SNX24: variants seen among roughly 807,000 people sequenced by gnomAD.
SNX24 encodes sorting nexin-24.
In SNX24, 22 loss-of-function variants were observed where a neutral mutation model predicts 28.7. That is an observed-to-expected ratio of 0.77 (90% confidence interval 0.55 to 1.10). The LOEUF (loss-of-function observed/expected upper bound fraction) is 1.10. Among genes scored for constraint, SNX24 ranks in the 50% least tolerant of loss-of-function variants. The probability of loss-of-function intolerance (pLI) is 0.00; values close to 1 mark genes in which losing one functional copy is unlikely to be tolerated. For missense variants in SNX24, 221 were observed against 201.1 expected (o/e 1.10, Z -0.60); for synonymous variants, 69 against 71.5 (o/e 0.96, Z 0.18).
rs1467534383 is a variant in SNX24, at chr5:122,976,314, G to A, written c.250-23598G>A. 3.4e-5 allele frequency among the ~76,000 whole-genome samples: 5 copies of A among 147,248 alleles called. No homozygotes were observed. The South Asian group carries it at 8.6e-4, about 25-fold the overall frequency. On this transcript the variant is annotated intron_variant, in intron 3 of 6. Transcript: ENST00000261369. The stretch of plus-strand genomic sequence containing the variant: ...TCATTAAAAAAAAAAAAAAAAACAG[G>A]CAAAAAGATCTTATCTTTTTATGAT...
chr5:123,003,025 T>A (rs955266610), intron 6 of SNX24, among the ~76,000 whole-genome samples: 3 of 151,124 alleles, frequency 2.0e-5, no homozygotes, highest in Non-Finnish European at 4.4e-5. Context: ...GCTCTTTGCA[T>A]ATAGTGAATC....
intron 3 of SNX24, among the ~76,000 whole-genome samples, chr5:122,986,238 A>C (rs1761598589): frequency 6.6e-6 from 1 of 152,238 alleles, no homozygotes; most frequent in Non-Finnish European, 1.5e-5. Context: ...TAAGAAATTC[A>C]AGTGGAGATG....
At chr5:122,968,324 GC>G (rs370718488) in intron 3 of SNX24, among the ~76,000 whole-genome samples, 1 of 152,176 alleles carries the variant, frequency 6.6e-6, no homozygotes, top group African/African-American at 2.4e-5. Flanking sequence ...TTCAGCCTGG[GC>G]AACAGAGCGA....
In SNX24 at chr5:122,846,779, G is replaced by T. The variant is rs188584757; in HGVS notation, c.60+1086G>T. On this transcript the variant is annotated intron_variant, in intron 1 of 6. Transcript: ENST00000261369. ...GAATTGAGTAGACTGCTGGATCCAA[G>T]TGTTCTGAAACAAGTTGTTAAAGTG... Among the ~76,000 whole-genome samples the T allele has an allele frequency of 2.0e-5, 3 of 152,296 alleles. No individual in the cohort carries two copies. The East Asian group carries it at 5.8e-4, about 29-fold the overall frequency.
intron 1 of SNX24, among the ~76,000 whole-genome samples, chr5:122,909,576 G>A (rs527496481): frequency 6.6e-6 from 1 of 151,858 alleles, no homozygotes; most frequent in South Asian, 2.1e-4. Flanking sequence ...GAGGACAGCT[G>A]CCTTAACCTG....
chr5:123,014,333 A>ATTTTTTTTTT (rs70988553), intron 5 of SNX24, among the ~76,000 whole-genome samples: 2 of 77,270 alleles, frequency 2.6e-5, no homozygotes, highest in African/African-American at 5.6e-5. Context: ...TGCCCAGCTG[A>ATTTTTTTTTT]TTTTTTTTTT....
chr5:122,907,368 ATT>A, intron 1 of SNX24, among the ~76,000 whole-genome samples: 1 of 152,158 alleles, frequency 6.6e-6, no homozygotes, highest in East Asian at 1.9e-4. Flanking sequence ...TAGTGTGGGA[ATT>A]TGTAATATGG....
Position 123,007,859 on chromosome 5 carries a change from TG to T in SNX24, c.*112del. On this transcript the variant is annotated 3_prime_UTR_variant, in exon 7 of 7. Coordinates refer to ENST00000261369, the MANE Select transcript of SNX24 (RefSeq NM_014035.4). ...TATGATATATAACAGCTCTAGCTAG[TG>T]GTAAAGTGCACAGTCCCAGCTTAAT... 1 of 1,514,080 alleles carries T rather than the reference TG, an allele frequency of 6.6e-7. No homozygotes were observed. The highest frequency in any genetic ancestry group is 8.8e-7 in the Non-Finnish European group (1 of 1,134,834). 93.8% of individuals were successfully genotyped at this position (1,514,080 alleles called of 1,614,324 possible). A position where few individuals can be genotyped will look rare whatever the true frequency, so the allele number is the denominator to read the frequency against.
intron 2 of SNX24, among the ~76,000 whole-genome samples, chr5:122,943,860 C>G (rs963649475): frequency 1.4e-4 from 22 of 152,292 alleles, no homozygotes; most frequent in African/African-American, 5.3e-4. Context: ...AGCCCTTTTT[C>G]TCTATCTGTA....
intron 1 of SNX24, among the ~76,000 whole-genome samples, chr5:122,855,105 T>A (rs1309679182): frequency 5.3e-5 from 8 of 151,690 alleles, no homozygotes; most frequent in East Asian, 1.9e-4. Context: ...AGAGTCTCGC[T>A]CTGTTGCTCA....
At chr5:122,871,349 C>A (rs910222245) in intron 1 of SNX24, among the ~76,000 whole-genome samples, 1 of 152,122 alleles carries the variant, frequency 6.6e-6, no homozygotes, top group Non-Finnish European at 1.5e-5. Flanking sequence ...AAAAGATGCC[C>A]TGTAGAGTGT....
chr5:122,959,513 G>A (rs939385659), intron 3 of SNX24, among the ~76,000 whole-genome samples: 1 of 151,886 alleles, frequency 6.6e-6, no homozygotes, highest in Non-Finnish European at 1.5e-5. Context: ...AGAATTACAG[G>A]TGTGAGCCAC....
intron 2 of SNX24, among the ~76,000 whole-genome samples, chr5:122,938,395 T>C (rs1159350067): frequency 2.0e-5 from 3 of 152,240 alleles, no homozygotes; most frequent in East Asian, 3.8e-4. Flanking sequence ...CTTATAATTA[T>C]ATAATGAGGT....
chr5:122,985,942 C>T (rs1761585992), intron 3 of SNX24, among the ~76,000 whole-genome samples: 1 of 152,122 alleles, frequency 6.6e-6, no homozygotes, highest in African/African-American at 2.4e-5. Flanking sequence ...GGACAGAAGC[C>T]AAGTAAACCT....
At chr5:123,006,351 GC>G (rs1762420941) in intron 6 of SNX24, among the ~76,000 whole-genome samples, 2 of 152,092 alleles carry the variant, frequency 1.3e-5, no homozygotes. Context: ...TCCCTCACTA[GC>G]CACATCTAAC....
intron 1 of SNX24, among the ~76,000 whole-genome samples, chr5:122,914,998 A>G (rs1175436947): frequency 1.3e-5 from 2 of 152,238 alleles, no homozygotes; most frequent in African/African-American, 4.8e-5. Flanking sequence ...CTACTAACAG[A>G]TGCACGTTGA....
chr5:122,852,138 G>A (rs1313981687), intron 1 of SNX24, among the ~76,000 whole-genome samples: 7 of 147,600 alleles, frequency 4.7e-5, no homozygotes, highest in Non-Finnish European at 8.9e-5. Context: ...ATATATATAT[G>A]TATATATTTC....
chr5:122,886,676 A>G (rs1284230721), intron 1 of SNX24, among the ~76,000 whole-genome samples: 1 of 151,872 alleles, frequency 6.6e-6, no homozygotes, highest in Non-Finnish European at 1.5e-5. Flanking sequence ...CTAAAAATAC[A>G]AAAATTAGCC....
chr5:122,953,196 A>G (rs1362785891), intron 3 of SNX24, among the ~76,000 whole-genome samples: 2 of 150,708 alleles, frequency 1.3e-5, no homozygotes, highest in African/African-American at 2.4e-5. Context: ...CCTCCACCTC[A>G]TGGGTTCAAG....
Sources: allele counts gnomAD v4.1 joint callset (sites outside exome capture counted in the v4.1 genomes callset), GRCh38; gene constraint gnomAD v4.1.1; transcripts MANE v1.5; gene names NCBI Gene and HGNC (gene_info 2026-07-23, HGNC 2026-07-21).